The following DGKD variants were observed in gnomAD, a reference collection of about 807,000 sequenced individuals.
The protein encoded by DGKD is DAG kinase delta.
DGKD carries 68 observed loss-of-function variants against 154.4 expected under a neutral mutation model. The observed-to-expected ratio is 0.44, with a 90% confidence interval of 0.36 to 0.54. The LOEUF (loss-of-function observed/expected upper bound fraction) is 0.54. Among genes scored for constraint, DGKD ranks in the 20% least tolerant of loss-of-function variants. The pLI is 0.00. For missense variants in DGKD, 1,343 were observed against 1,593.6 expected (o/e 0.84, Z 2.68); for synonymous variants, 693 against 638.0 (o/e 1.09, Z -1.30).
At chr2:233,378,556 G>GT (rs112208496) in intron 1 of DGKD, among the ~76,000 whole-genome samples, 106 of 152,256 alleles carry the variant, frequency 7.0e-4, no homozygotes, top group African/African-American at 2.3e-3. Flanking sequence ...AGCCTTGTTT[G>GT]TTTTTTGTCA....
intron 2 of DGKD, 136 bp from the exon 3 acceptor site, chr2:233,390,267 A>G (rs1703509925): frequency 1.9e-6 from 1 of 531,846 alleles, no homozygotes. Flanking sequence ...TATTGATTGG[A>G]TGCTACAGTT....
chr2:233,430,372 A>G (rs1186760781), intron 3 of DGKD, among the ~76,000 whole-genome samples: 2 of 152,340 alleles, frequency 1.3e-5, no homozygotes, highest in Middle Eastern at 3.4e-3. Context: ...TATACAGTGG[A>G]GTACTGTGCC....
intron 3 of DGKD, among the ~76,000 whole-genome samples, chr2:233,407,407 T>C (rs1399737709): frequency 6.6e-6 from 1 of 152,200 alleles, no homozygotes; most frequent in African/African-American, 2.4e-5. Context: ...ATTTAACATA[T>C]AAGATGCCTT....
chr2:233,371,315 A>G (rs1230859261), intron 1 of DGKD, among the ~76,000 whole-genome samples: 1 of 152,164 alleles, frequency 6.6e-6, no homozygotes, highest in African/African-American at 2.4e-5. Context: ...GCATCATTTC[A>G]TATGTTTATT....
intron 1 of DGKD, among the ~76,000 whole-genome samples, chr2:233,367,846 T>C (rs838706): frequency 0.44 from 48,700 of 110,086 alleles, 8,718 homozygotes; most frequent in Middle Eastern, 0.6. Flanking sequence ...TCCTCTTTTT[T>C]TTTTCTTTTT....
rs940254737 is a variant in DGKD, at chr2:233,449,504, T to C, written c.1888+128T>C. 1 of 1,315,202 alleles carries C rather than the reference T, an allele frequency of 7.6e-7. No individual in the cohort carries two copies. The allele number at this position is 1,315,202 out of a possible 1,614,324, so 81.5% of individuals were successfully genotyped here. On this transcript the variant is annotated intron_variant, in intron 15 of 29. Transcript: ENST00000264057. This position sits in a 1 kb window ranked among gnomAD's most constrained non-coding sequence, Gnocchi z 5.3. ...CCTCCACTGCGGCCCTCTCCACCCATGTCCAGGCACCAGACCCCCAACGAG... is the reference window on the plus strand; with the variant it reads ...CCTCCACTGCGGCCCTCTCCACCCACGTCCAGGCACCAGACCCCCAACGAG...
intron 1 of DGKD, among the ~76,000 whole-genome samples, chr2:233,361,980 T>C (rs925168800): frequency 6.6e-6 from 1 of 152,138 alleles, no homozygotes; most frequent in Admixed American, 6.5e-5. Flanking sequence ...GTATTTTTAA[T>C]AGAGACGGAG....
Position 233,458,452 on chromosome 2 carries a change from A to T in DGKD, c.2694+55A>T. 7.0e-7 allele frequency: 1 copy of T among 1,421,554 alleles called. No individual in the cohort carries two copies. The highest frequency in any genetic ancestry group is 1.8e-5 in the Admixed American group (1 of 56,586). The allele number at this position is 1,421,554 out of a possible 1,614,324, so 88.1% of individuals were successfully genotyped here. A position where few individuals can be genotyped will look rare whatever the true frequency, so the allele number is the denominator to read the frequency against. On this transcript the variant is annotated intron_variant, in intron 22 of 29. Coordinates refer to ENST00000264057, the MANE Select transcript of DGKD (RefSeq NM_152879.3). This position sits in a 1 kb window ranked among gnomAD's most constrained non-coding sequence, Gnocchi z 6.6. ...CGAGTCCCCAGCCCGGAGTGTGCTAAATTCTGGGGCAGTGCATGGAGCCTG... is the reference window on the plus strand; with the variant it reads ...CGAGTCCCCAGCCCGGAGTGTGCTATATTCTGGGGCAGTGCATGGAGCCTG...
At chr2:233,464,137 C>G in intron 26 of DGKD, 27 bp from the exon 27 acceptor site, 1 of 1,612,974 alleles carries the variant, frequency 6.2e-7, no homozygotes, top group Non-Finnish European at 8.5e-7. Context: ...CTCTCCATTT[C>G]TCTCTCCCTC....
intron 3 of DGKD, among the ~76,000 whole-genome samples, chr2:233,409,787 G>GTTTTTT (rs3075533): frequency 9.9e-5 from 6 of 60,894 alleles, no homozygotes; most frequent in African/African-American, 4.4e-4. Flanking sequence ...CCCCCATACC[G>GTTTTTT]TTTTTTTTTT....
Position 233,441,962 on chromosome 2 carries a change from C to G in DGKD, c.1161C>G (p.Leu387=), listed in dbSNP as rs552826683. 2.3e-5 allele frequency: 37 copies of G among 1,614,140 alleles called. No homozygotes were observed. In the East Asian group the frequency reaches 8.0e-4, roughly 35 times the overall value. ...CGGDGSVGWV[L]SEIDSLNLHK... ...GGGATGGAAGTGTTGGCTGGGTCCT[C>G]TCCGAAATCGACAGCCTCAACCTTC... Residue 387 remains leucine (L), a synonymous_variant, in exon 10 of 30, where the codon CTC becomes CTG. Coordinates refer to ENST00000264057, the MANE Select transcript of DGKD (RefSeq NM_152879.3). This position sits in a 1 kb window ranked among gnomAD's most constrained non-coding sequence, Gnocchi z 5.6.
At chr2:233,376,633 G>A (rs1317922774) in intron 1 of DGKD, among the ~76,000 whole-genome samples, 1 of 152,086 alleles carries the variant, frequency 6.6e-6, no homozygotes, top group South Asian at 2.1e-4. Context: ...AGGGTCCTTT[G>A]TAGGGACATG....
At chr2:233,420,819 T>C (rs1164056925) in intron 3 of DGKD, among the ~76,000 whole-genome samples, 1 of 152,188 alleles carries the variant, frequency 6.6e-6, no homozygotes, top group African/African-American at 2.4e-5. Flanking sequence ...CTCTGTAGTG[T>C]TCCAGTACCT....
At chr2:233,374,965 A>C (rs1289165791) in intron 1 of DGKD, among the ~76,000 whole-genome samples, 3 of 152,184 alleles carry the variant, frequency 2.0e-5, no homozygotes, top group Non-Finnish European at 4.4e-5. Context: ...TACCATGCCC[A>C]GCCCCACTTT....
At chr2:233,405,871 T>A (rs1054915093) in intron 3 of DGKD, among the ~76,000 whole-genome samples, 1 of 152,252 alleles carries the variant, frequency 6.6e-6, no homozygotes, top group Admixed American at 6.5e-5. Flanking sequence ...TTATATTTAA[T>A]GCTGGTAGAA....
At position 233,438,742 on chromosome 2, in the gene DGKD, TCTGTC is replaced by T. The variant is rs1559549443; in HGVS notation, c.1085+364_1085+368del. 0.026 allele frequency among the ~76,000 whole-genome samples: 3,560 copies of T among 137,474 alleles called. 63 individuals carry two copies. Among genetic ancestry groups the T allele is most frequent in the African/African-American group, 0.037 (1,401 of 37,578 alleles). The allele number at this position is 137,474 out of a possible 152,430, so 90.2% of individuals were successfully genotyped here. On this transcript the variant is annotated intron_variant, in intron 9 of 29. Transcript: ENST00000264057. The surrounding 1 kb of genome is among the most constrained non-coding windows in gnomAD (Gnocchi z 4.1). ...CTTTCATTTTATAATTTTTTATTTATCTGTCTATCTATCATCTATCTATCTATCTA... is the reference window on the plus strand; with the variant it reads ...CTTTCATTTTATAATTTTTTATTTATTATCTATCATCTATCTATCTATCTA...
At chr2:233,408,128 C>T (rs771703760) in intron 3 of DGKD, among the ~76,000 whole-genome samples, 2 of 151,634 alleles carry the variant, frequency 1.3e-5, no homozygotes, top group Non-Finnish European at 2.9e-5. Flanking sequence ...CTGCAACCTC[C>T]GCCTCCCGGG....
chr2:233,467,992 T>C (rs775144565), intron 28 of DGKD, among the ~76,000 whole-genome samples: 1 of 152,128 alleles, frequency 6.6e-6, no homozygotes, highest in East Asian at 1.9e-4. Flanking sequence ...GCCACAATCA[T>C]GAGGACATTT....
intron 3 of DGKD, among the ~76,000 whole-genome samples, chr2:233,421,986 G>C (rs2062133430): frequency 6.6e-6 from 1 of 151,580 alleles, no homozygotes; most frequent in Admixed American, 6.5e-5. Context: ...TGGGAGGTTG[G>C]GGGGATGGGA....
Sources: allele counts gnomAD v4.1 joint callset (sites outside exome capture counted in the v4.1 genomes callset), GRCh38; gene constraint gnomAD v4.1.1; non-coding constraint Gnocchi (gnomAD v3.1); transcripts MANE v1.5; gene names NCBI Gene and HGNC (gene_info 2026-07-23, HGNC 2026-07-21).